ACACA: variants seen among roughly 807,000 people sequenced by gnomAD.
The protein encoded by ACACA is acetyl-CoA carboxylase alpha.
ACACA carries 103 observed loss-of-function variants against 296.1 expected under a neutral mutation model. The observed-to-expected ratio is 0.35, with a 90% CI of 0.30 to 0.41. The LOEUF (loss-of-function observed/expected upper bound fraction) is 0.41, where lower values mean the gene tolerates loss of function less well. ACACA is among the 10% of genes least tolerant of loss of function. The pLI is 1.00. For synonymous variants in ACACA, 953 were observed against 1,038.6 expected (o/e 0.92, Z 1.58); for missense variants, 1,554 against 2,989.7 (o/e 0.52, Z 11.20).
At chr17:37,300,963 A>G (rs982085900) in intron 3 of ACACA, among the ~76,000 whole-genome samples, 2 of 152,218 alleles carry the variant, frequency 1.3e-5, no homozygotes, top group Admixed American at 1.3e-4. Flanking sequence ...TTTGTTCAGG[A>G]AAGTTCAGTA....
At chr17:37,279,220 C>T (rs1186140041) in intron 5 of ACACA, among the ~76,000 whole-genome samples, 1 of 152,044 alleles carries the variant, frequency 6.6e-6, no homozygotes, top group Non-Finnish European at 1.5e-5. Flanking sequence ...AAAAAAAATT[C>T]CGCTAGAATT....
At chr17:37,171,629 G>C (rs1434291474) in intron 41 of ACACA, among the ~76,000 whole-genome samples, 1 of 152,014 alleles carries the variant, frequency 6.6e-6, no homozygotes, top group Non-Finnish European at 1.5e-5. Flanking sequence ...AAAAATGGCT[G>C]AACAAACTCA....
At chr17:37,238,006 C>T (rs111988972) in intron 24 of ACACA, among the ~76,000 whole-genome samples, 1,997 of 152,258 alleles carry the variant, frequency 0.013, 30 homozygotes, top group African/African-American at 0.044. Context: ...AGCAATCTGC[C>T]GGCCTTGGCC....
intron 51 of ACACA, among the ~76,000 whole-genome samples, chr17:37,112,395 T>C (rs958022558): frequency 2.6e-5 from 4 of 152,188 alleles, no homozygotes; most frequent in African/African-American, 4.8e-5. Flanking sequence ...CCATCTACTA[T>C]GTAGTAAGGT....
At chr17:37,249,114 G>A (rs1395780258) in intron 16 of ACACA, among the ~76,000 whole-genome samples, 1 of 152,146 alleles carries the variant, frequency 6.6e-6, no homozygotes, top group Non-Finnish European at 1.5e-5. Flanking sequence ...TATAGTATTT[G>A]TCTTTTTGTG....
chr17:37,321,729 C>T (rs892852372), intron 3 of ACACA, among the ~76,000 whole-genome samples: 7 of 151,268 alleles, frequency 4.6e-5, no homozygotes, highest in African/African-American at 1.2e-4. Flanking sequence ...GCCTGGGCGA[C>T]AGAGCGAGAC....
rs71979048 is a variant in ACACA at position 37,280,730 on chromosome 17, AACAC to A, written c.610+2533_610+2536del. On this transcript the variant is annotated intron_variant, in intron 5 of 55. Transcript: ENST00000616317. ...TATACTCTTCAACTTTTACATAGTTAACACACACACACACACACACACACACACA... is the reference window on the plus strand; with the variant it reads ...TATACTCTTCAACTTTTACATAGTTAACACACACACACACACACACACACA... Among the ~76,000 whole-genome samples, 238 of 146,460 alleles carry A rather than the reference AACAC, an allele frequency of 1.6e-3. 1 individual carries two copies. The highest frequency in any genetic ancestry group is 0.01 in the East Asian group (50 of 4,892).
At chr17:37,227,533 G>A (rs2079595590) in intron 25 of ACACA, among the ~76,000 whole-genome samples, 2 of 151,996 alleles carry the variant, frequency 1.3e-5, no homozygotes, top group Admixed American at 6.6e-5. Context: ...GCAACATGGT[G>A]AGACCCCATC....
chr17:37,395,232 C>T (rs1308804814), intron 1 of ACACA, among the ~76,000 whole-genome samples: 18 of 151,976 alleles, frequency 1.2e-4, no homozygotes, highest in Admixed American at 1.1e-3. Flanking sequence ...AGTTTGAGAC[C>T]AGCCTGGTCA....
intron 50 of ACACA, among the ~76,000 whole-genome samples, chr17:37,116,231 G>A (rs758824448): frequency 6.6e-6 from 1 of 152,106 alleles, no homozygotes; most frequent in African/African-American, 2.4e-5. Flanking sequence ...CAAGCCATCC[G>A]CCCACCTCGG....
At chr17:37,154,006 T>C (rs1274852272) in intron 43 of ACACA, among the ~76,000 whole-genome samples, 1 of 152,174 alleles carries the variant, frequency 6.6e-6, no homozygotes, top group Non-Finnish European at 1.5e-5. Flanking sequence ...TTTTTGGAAT[T>C]AGAAAAACAT....
rs145033283 is a variant in ACACA at position 37,243,645 on chromosome 17, G to A, written c.2743-86C>T. The A allele has an allele frequency of 3.0e-4, 429 of 1,451,866 alleles. 1 individual carries two copies. The African/African-American group carries it at 5.4e-3, about 18-fold the overall frequency. The allele number at this position is 1,451,866 out of a possible 1,614,324, so 89.9% of individuals were successfully genotyped here. ...TATATAGTTGTCATTCTGTATACGT[G>A]GGAAATTGGTTCCAGAACCACCACT... is the stretch of plus-strand genomic sequence containing the variant. On this transcript the variant is annotated intron_variant, in intron 21 of 55. Transcript: ENST00000616317.
At chr17:37,312,849 A>C (rs925473390) in intron 3 of ACACA, among the ~76,000 whole-genome samples, 1 of 152,146 alleles carries the variant, frequency 6.6e-6, no homozygotes, top group African/African-American at 2.4e-5. Flanking sequence ...CAACATAGCA[A>C]GACCCCATCT....
chr17:37,309,654 C>A (rs1247664073), intron 3 of ACACA, among the ~76,000 whole-genome samples: 2 of 152,038 alleles, frequency 1.3e-5, no homozygotes, highest in Non-Finnish European at 2.9e-5. Context: ...TATTGGACTA[C>A]TATCTTTTCA....
chr17:37,403,648 G>A (rs1029530215), intron 1 of ACACA, among the ~76,000 whole-genome samples: 4 of 152,112 alleles, frequency 2.6e-5, no homozygotes, highest in Non-Finnish European at 5.9e-5. Flanking sequence ...AAAATGCAGG[G>A]ATCCCAGGTG....
chr17:37,102,186 A>C (rs960572212), intron 52 of ACACA, among the ~76,000 whole-genome samples: 4 of 150,080 alleles, frequency 2.7e-5, no homozygotes, highest in Non-Finnish European at 4.4e-5. Context: ...GACTTCCCCA[A>C]TGGCATCCAG....
chr17:37,349,378 C>CATAT (rs147882161), intron 1 of ACACA, among the ~76,000 whole-genome samples: 32 of 143,228 alleles, frequency 2.2e-4, no homozygotes, highest in East Asian at 6.1e-4. Context: ...CATATTCTTA[C>CATAT]ATATATATAT....
chr17:37,346,700 TCAAAAAAAA>T (rs1451608817), intron 1 of ACACA, among the ~76,000 whole-genome samples: 12 of 106,588 alleles, frequency 1.1e-4, no homozygotes, highest in African/African-American at 3.2e-4. Context: ...AGACTCCATC[TCAAAAAAAA>T]AAAAAAAAAA....
chr17:37,379,084 C>T lies in ACACA; in HGVS notation c.38+27178G>A. On this transcript the variant is annotated intron_variant, in intron 1 of 55. Coordinates refer to ENST00000616317, the MANE Select transcript of ACACA (RefSeq NM_198834.3). Reference sequence around the variant, plus strand: ...AAGGCACCGTCTCAAAAAAACCAACCAAACAAAAAACAAAACCAGCTCCAT... The same window carrying T: ...AAGGCACCGTCTCAAAAAAACCAACTAAACAAAAAACAAAACCAGCTCCAT... The T allele has an allele frequency of 1.9e-6, 3 of 1,555,080 alleles. No homozygotes were observed. In the South Asian group the frequency reaches 3.7e-5, roughly 19 times the overall value.
Sources: allele counts gnomAD v4.1 joint callset (sites outside exome capture counted in the v4.1 genomes callset), GRCh38; gene constraint gnomAD v4.1.1; transcripts MANE v1.5; gene names NCBI Gene and HGNC (gene_info 2026-07-23, HGNC 2026-07-21).